Variants in AGBL1 observed in about 807,000 individuals in gnomAD.
AGBL1 encodes AGBL carboxypeptidase 1.
Under a neutral mutation model 118.9 loss-of-function variants are expected in AGBL1, and 130 were observed. The observed-to-expected ratio is 1.09, with a 90% CI of 0.95 to 1.26. AGBL1 has a LOEUF of 1.26. Among genes scored for constraint, AGBL1 ranks in the 50% most tolerant of loss-of-function variants. AGBL1 has a pLI of 0.00. For synonymous variants in AGBL1, 555 were observed against 478.9 expected (o/e 1.16, Z -2.08); for missense variants, 1,584 against 1,298.1 (o/e 1.22, Z -3.38).
chr15:86,800,025 GTTTTTCATTA>G (rs2078628330), intron 22 of AGBL1, among the ~76,000 whole-genome samples: 1 of 151,910 alleles, frequency 6.6e-6, no homozygotes, highest in South Asian at 2.1e-4. Flanking sequence ...GCGTCAAGTG[GTTTTTCATTA>G]TTTTTCATTA....
chr15:86,534,961 G>A (rs572579471), intron 19 of AGBL1, among the ~76,000 whole-genome samples: 1 of 152,172 alleles, frequency 6.6e-6, no homozygotes, highest in Admixed American at 6.5e-5. Context: ...GATCAGAGTC[G>A]GTTACACAAA....
chr15:86,960,903 G>A (rs2594342), intron 23 of AGBL1, among the ~76,000 whole-genome samples: 104,360 of 151,798 alleles, frequency 0.69, 36,732 homozygotes, highest in South Asian at 0.89. Context: ...AGGAACATGG[G>A]ATAGAATGGT....
chr15:86,174,746 G>C (rs1224429189), intron 5 of AGBL1, among the ~76,000 whole-genome samples: 3 of 151,984 alleles, frequency 2.0e-5, no homozygotes, highest in Non-Finnish European at 4.4e-5. Context: ...TACATCTTTT[G>C]GGAAGACTGT....
intron 24 of AGBL1, among the ~76,000 whole-genome samples, chr15:86,993,367 A>T (rs975244102): frequency 6.6e-6 from 1 of 152,228 alleles, no homozygotes; most frequent in Non-Finnish European, 1.5e-5. Flanking sequence ...ATAGGCAATA[A>T]TATAAGAATT....
chr15:86,814,484 T>C (rs962958731), intron 22 of AGBL1, among the ~76,000 whole-genome samples: 1 of 152,178 alleles, frequency 6.6e-6, no homozygotes, highest in Non-Finnish European at 1.5e-5. Flanking sequence ...TATTAATGTG[T>C]TACAGATTTA....
chr15:86,423,620 T>C (rs1057479574), intron 18 of AGBL1, among the ~76,000 whole-genome samples: 4 of 152,150 alleles, frequency 2.6e-5, no homozygotes, highest in Admixed American at 1.3e-4. Flanking sequence ...GATGACATGA[T>C]TGTATATATA....
intron 22 of AGBL1, among the ~76,000 whole-genome samples, chr15:86,864,311 A>T (rs2079596744): frequency 6.6e-6 from 1 of 152,174 alleles, no homozygotes; most frequent in South Asian, 2.1e-4. Context: ...ACTTGCATTG[A>T]CTCATAGGAA....
chr15:86,372,430 C>T (rs1351541987), intron 17 of AGBL1, among the ~76,000 whole-genome samples: 2 of 151,978 alleles, frequency 1.3e-5, no homozygotes, highest in African/African-American at 4.8e-5. Flanking sequence ...TCCCTCCTTC[C>T]CTCCTCCCAT....
chr15:86,498,089 T>C (rs2082875205), intron 18 of AGBL1, among the ~76,000 whole-genome samples: 1 of 151,982 alleles, frequency 6.6e-6, no homozygotes, highest in African/African-American at 2.4e-5. Context: ...TTATAGACTT[T>C]GGAAATTCTA....
intron 23 of AGBL1, among the ~76,000 whole-genome samples, chr15:86,963,037 G>A (rs1265295420): frequency 6.6e-6 from 1 of 152,054 alleles, no homozygotes; most frequent in Non-Finnish European, 1.5e-5. Context: ...CAATTGCAAA[G>A]CATAAACAAT....
At chr15:86,846,926 A>G (rs572034893) in intron 22 of AGBL1, among the ~76,000 whole-genome samples, 1 of 152,172 alleles carries the variant, frequency 6.6e-6, no homozygotes, top group South Asian at 2.1e-4. Flanking sequence ...GTATGTATTG[A>G]CACCCTTTAA....
In AGBL1 at chr15:86,239,552, G is replaced by A. The variant is rs182982347; in HGVS notation, c.527-8119G>A. Among the ~76,000 whole-genome samples the A allele has an allele frequency of 3.8e-4, 54 of 143,592 alleles. 1 individual carries two copies. Among genetic ancestry groups the A allele is most frequent in the Admixed American group, 3.3e-3 (47 of 14,342 alleles). The allele number at this position is 143,592 out of a possible 152,430, so 94.2% of individuals were successfully genotyped here. A position where few individuals can be genotyped will look rare whatever the true frequency, so the allele number is the denominator to read the frequency against. On this transcript the variant is annotated intron_variant, in intron 6 of 22. Coordinates refer to ENST00000614907, the MANE Select transcript of AGBL1 (RefSeq NM_001386094.1). ...CGCACTCACACCTGGGCCTGACATT[G>A]CTGGGCCGGCCTCACTGTGTCATTG...
chr15:86,751,757 T>C (rs1288105834), intron 22 of AGBL1, among the ~76,000 whole-genome samples: 1 of 152,176 alleles, frequency 6.6e-6, no homozygotes, highest in Admixed American at 6.6e-5. Flanking sequence ...ATTTTTGGTC[T>C]GCTTACTGAT....
intron 21 of AGBL1, among the ~76,000 whole-genome samples, chr15:86,639,619 C>T (rs1002652255): frequency 6.6e-6 from 1 of 152,136 alleles, no homozygotes; most frequent in Non-Finnish European, 1.5e-5. Flanking sequence ...CTCTTCCTAC[C>T]TCCCCCATAC....
chr15:86,812,066 G>A, intron 22 of AGBL1, among the ~76,000 whole-genome samples: 1 of 152,184 alleles, frequency 6.6e-6, no homozygotes, highest in East Asian at 1.9e-4. Context: ...GTTGTAATGT[G>A]TAAGAGTAAG....
rs558102111 is a variant in AGBL1 at position 86,476,216 on chromosome 15, ATT to A, written c.2556-46593_2556-46592del. Among the ~76,000 whole-genome samples, 10 of 152,236 alleles carry A rather than the reference ATT, an allele frequency of 6.6e-5. No homozygotes were observed. In the South Asian group the frequency reaches 1.9e-3, roughly 28 times the overall value. Reference sequence around the variant, plus strand: ...GCTAACATCATAATGACAGGATCAAATTCACACCTAACAATATTAACCTTAAA... The same window carrying A: ...GCTAACATCATAATGACAGGATCAAACACACCTAACAATATTAACCTTAAA... On this transcript the variant is annotated intron_variant, in intron 18 of 22. Coordinates refer to ENST00000614907, the MANE Select transcript of AGBL1 (RefSeq NM_001386094.1).
chr15:86,757,684 G>A (rs762129556), intron 22 of AGBL1, among the ~76,000 whole-genome samples: 19 of 152,038 alleles, frequency 1.2e-4, no homozygotes, highest in Non-Finnish European at 2.1e-4. Flanking sequence ...TCTCCATTCC[G>A]GAAAGTTGTC....
At chr15:86,816,052 A>T (rs1208853358) in intron 22 of AGBL1, among the ~76,000 whole-genome samples, 1 of 152,172 alleles carries the variant, frequency 6.6e-6, no homozygotes, top group African/African-American at 2.4e-5. Context: ...TGGGATAAGG[A>T]CACAGTAAGA....
At chr15:86,186,181 C>T (rs1316511104) in intron 5 of AGBL1, among the ~76,000 whole-genome samples, 1 of 151,310 alleles carries the variant, frequency 6.6e-6, no homozygotes, top group Non-Finnish European at 1.5e-5. Context: ...GATGAGAACA[C>T]ATGGACACAT....
Sources: gnomAD v4.1 joint callset for allele counts (sites outside exome capture counted in the v4.1 genomes callset) on GRCh38, gnomAD v4.1.1 for gene constraint, MANE v1.5 for transcripts, NCBI Gene and HGNC (gene_info 2026-07-23, HGNC 2026-07-21) for gene names.